Variants in PTPRG observed in about 807,000 individuals in gnomAD.
PTPRG encodes the protein receptor-type tyrosine-protein phosphatase gamma.
Under a neutral mutation model 165.3 loss-of-function variants are expected in PTPRG, and 102 were observed. The observed-to-expected ratio is 0.62, with a 90% confidence interval of 0.53 to 0.73. PTPRG has a LOEUF of 0.73. Among genes scored for constraint, PTPRG ranks in the 30% least tolerant of loss-of-function variants. The pLI is 0.00. For missense variants in PTPRG, 1,866 were observed against 1,861.4 expected, an observed-to-expected ratio of 1.00 and a Z score of -0.05; for synonymous variants, 675 against 669.5, an observed-to-expected ratio of 1.01 and a Z score of -0.13.
At chr3:62,084,083 A>G (rs1701667286) in intron 5 of PTPRG, among the ~76,000 whole-genome samples, 1 of 152,182 alleles carries the variant, frequency 6.6e-6, no homozygotes, top group South Asian at 2.1e-4. Context: ...ACATTAAGAA[A>G]CGTTTCTTAT....
chr3:62,114,507 A>G (rs1276379565), intron 5 of PTPRG, among the ~76,000 whole-genome samples: 1 of 152,100 alleles, frequency 6.6e-6, no homozygotes, highest in African/African-American at 2.4e-5. Flanking sequence ...TTGTGCTTTT[A>G]TGATATTCTT....
chr3:61,917,748 G>A (rs1209088969), intron 2 of PTPRG, among the ~76,000 whole-genome samples: 1 of 152,160 alleles, frequency 6.6e-6, no homozygotes, highest in African/African-American at 2.4e-5. Flanking sequence ...TGGCCGACAT[G>A]GTGAAACCCC....
At chr3:62,159,773 CTTTAG>C (rs1470193881) in intron 7 of PTPRG, among the ~76,000 whole-genome samples, 3 of 152,128 alleles carry the variant, frequency 2.0e-5, no homozygotes, top group Non-Finnish European at 4.4e-5. Context: ...TAAGATAATA[CTTTAG>C]TTTTATCAGA....
intron 2 of PTPRG, among the ~76,000 whole-genome samples, chr3:61,777,339 A>G (rs1412640256): frequency 1.3e-5 from 2 of 152,222 alleles, no homozygotes; most frequent in East Asian, 3.8e-4. Flanking sequence ...TTAAATTTAA[A>G]TAGCCACATG....
intron 2 of PTPRG, among the ~76,000 whole-genome samples, chr3:61,876,499 A>T (rs2037743431): frequency 6.6e-6 from 1 of 152,196 alleles, no homozygotes; most frequent in African/African-American, 2.4e-5. Context: ...TGGGTCAGGG[A>T]TATATTCTTT....
intron 2 of PTPRG, among the ~76,000 whole-genome samples, chr3:61,836,072 AATAT>A (rs1553679116): frequency 7.2e-6 from 1 of 138,590 alleles, no homozygotes; most frequent in Non-Finnish European, 1.5e-5. Flanking sequence ...CAAAAAAAAA[AATAT>A]ATATATATAT....
chr3:62,222,905 T>C lies in PTPRG; in HGVS notation c.2288+3922T>C, dbSNP rs1414850804. On this transcript the variant is annotated intron_variant, in intron 13 of 29. Transcript: ENST00000474889. The surrounding 1 kb of genome is among the most constrained non-coding windows in gnomAD (Gnocchi z 4.5). ...AAATAGAATTGAGTATGGGGAGTAT[T>C]TGGAGAAGGATAAATCCAAGTTGCT... Among the ~76,000 whole-genome samples, 1 of 151,860 alleles carries C rather than the reference T, an allele frequency of 6.6e-6. No individual in the cohort carries two copies. Among genetic ancestry groups the C allele is most frequent in the East Asian group, 1.9e-4 (1 of 5,164 alleles).
chr3:62,116,370 C>T (rs1702870443), intron 5 of PTPRG, among the ~76,000 whole-genome samples: 1 of 152,142 alleles, frequency 6.6e-6, no homozygotes, highest in Non-Finnish European at 1.5e-5. Context: ...ATCTTCTTTC[C>T]ATAAACTGCA....
At chr3:62,278,103 C>G (rs1002300736) in intron 26 of PTPRG, among the ~76,000 whole-genome samples, 1 of 152,030 alleles carries the variant, frequency 6.6e-6, no homozygotes, top group African/African-American at 2.4e-5. Flanking sequence ...GACATACATA[C>G]TATTATTATC....
At chr3:61,786,427 T>C (rs1445753156) in intron 2 of PTPRG, among the ~76,000 whole-genome samples, 10 of 152,162 alleles carry the variant, frequency 6.6e-5, no homozygotes, top group Admixed American at 6.5e-4. Context: ...TTGAGCCTCA[T>C]GAGTTATTTC....
At chr3:61,893,908 G>A (rs1200504102) in intron 2 of PTPRG, among the ~76,000 whole-genome samples, 1 of 152,190 alleles carries the variant, frequency 6.6e-6, no homozygotes, top group Non-Finnish European at 1.5e-5. Flanking sequence ...GCTAATAGGA[G>A]TGGTGGTTTC....
chr3:61,755,078 G>A (rs1462733799), intron 2 of PTPRG, among the ~76,000 whole-genome samples: 2 of 151,708 alleles, frequency 1.3e-5, no homozygotes, highest in Non-Finnish European at 2.9e-5. Context: ...CCTGATCTCA[G>A]CTCACTGCAA....
At chr3:61,958,834 C>CATTT (rs1345608713) in intron 2 of PTPRG, among the ~76,000 whole-genome samples, 1 of 152,176 alleles carries the variant, frequency 6.6e-6, no homozygotes, top group Admixed American at 6.5e-5. Flanking sequence ...ATTCAAGGAT[C>CATTT]ATTTAGTGGC....
intron 1 of PTPRG, among the ~76,000 whole-genome samples, chr3:61,572,258 T>G (rs545851663): frequency 5.3e-5 from 8 of 152,212 alleles, no homozygotes; most frequent in Non-Finnish European, 1.2e-4. Flanking sequence ...TTGTTTGTTT[T>G]TTAAACATGA....
At chr3:62,127,630 A>G (rs1390685667) in intron 5 of PTPRG, among the ~76,000 whole-genome samples, 1 of 152,194 alleles carries the variant, frequency 6.6e-6, no homozygotes, top group Non-Finnish European at 1.5e-5. Context: ...TATGGAACTA[A>G]AGGAGCAGCT....
intron 5 of PTPRG, among the ~76,000 whole-genome samples, chr3:62,115,233 G>T (rs1702817449): frequency 6.6e-6 from 1 of 152,148 alleles, no homozygotes; most frequent in South Asian, 2.1e-4. Flanking sequence ...GTGGTGTACA[G>T]AGTATCTAAA....
intron 4 of PTPRG, among the ~76,000 whole-genome samples, chr3:62,013,565 ATC>A (rs1239870875): frequency 1.3e-5 from 2 of 152,210 alleles, no homozygotes; most frequent in African/African-American, 4.8e-5. Context: ...CGTGTGGATT[ATC>A]TCTGCTCTTG....
At chr3:62,193,389 ATT>A (rs1699885807) in intron 9 of PTPRG, among the ~76,000 whole-genome samples, 1 of 152,228 alleles carries the variant, frequency 6.6e-6, no homozygotes, top group African/African-American at 2.4e-5. Context: ...AAAAACATGC[ATT>A]GACAGCAACT....
At chr3:61,680,618 C>CAA (rs749075962) in intron 1 of PTPRG, among the ~76,000 whole-genome samples, 3 of 126,680 alleles carry the variant, frequency 2.4e-5, no homozygotes, top group Admixed American at 8.2e-5. Context: ...AAAAATCATA[C>CAA]AAAAAAAATA....
Sources: gnomAD v4.1 joint callset for allele counts (sites outside exome capture counted in the v4.1 genomes callset) on GRCh38, gnomAD v4.1.1 for gene constraint, Gnocchi (gnomAD v3.1) non-coding constraint, MANE v1.5 for transcripts, NCBI Gene and HGNC (gene_info 2026-07-23, HGNC 2026-07-21) for gene names.